The following CNOT10 variants were observed in gnomAD, a reference collection of about 807,000 sequenced individuals.
CNOT10 encodes CCR4-NOT transcription complex, subunit 10.
In CNOT10, 30 loss-of-function variants were observed where a neutral mutation model predicts 94.6. The ratio of observed to expected loss-of-function variants is 0.32; its 90% CI spans 0.24 to 0.43. CNOT10 has a LOEUF of 0.43. Among genes scored for constraint, CNOT10 ranks in the 20% least tolerant of loss-of-function variants. The probability of loss-of-function intolerance (pLI) is 1.00; values close to 1 mark genes in which losing one functional copy is unlikely to be tolerated. For synonymous variants in CNOT10, 289 were observed against 301.6 expected (o/e 0.96, Z 0.43); for missense variants, 759 against 877.2 (o/e 0.87, Z 1.70).
At chr3:32,742,984 CTTTTT>C (rs11425595) in intron 13 of CNOT10, among the ~76,000 whole-genome samples, 1 of 122,722 alleles carries the variant, frequency 8.1e-6, no homozygotes, top group Admixed American at 8.5e-5. Context: ...GAATACTAAT[CTTTTT>C]TTTTTTTTTT....
In CNOT10 at chr3:32,764,464, A is replaced by G; in HGVS notation, c.1850A>G (p.Lys617Arg). Reference sequence around the variant, plus strand: ...TTTCGTGTTTTTGTAGGATCAGACAAAGGTGAAAATGAAGCAATGGAATCC... The same window carrying G: ...TTTCGTGTTTTTGTAGGATCAGACAGAGGTGAAAATGAAGCAATGGAATCC... ...SSNEQDQGSDKGENEAMESSG... is the reference protein window; with the variant it reads ...SSNEQDQGSDRGENEAMESSG... Residue 617 changes from lysine (K) to arginine (R), a missense_variant, in exon 16 of 19, where the codon AAA becomes AGA. Transcript: ENST00000328834. The G allele has an allele frequency of 6.2e-7, 1 of 1,614,090 alleles. No homozygotes were observed. Among genetic ancestry groups the G allele is most frequent in the Non-Finnish European group, 8.5e-7 (1 of 1,180,002 alleles).
intron 13 of CNOT10, among the ~76,000 whole-genome samples, chr3:32,751,794 T>C (rs1699977114): frequency 6.6e-6 from 1 of 152,234 alleles, no homozygotes; most frequent in African/African-American, 2.4e-5. Flanking sequence ...TTGCTAGAGA[T>C]CCAGCCCCAT....
Position 32,757,227 on chromosome 3 carries a change from T to C in CNOT10, c.1596-2231T>C. Among the ~76,000 whole-genome samples, 3 of 112,072 alleles carry C rather than the reference T, an allele frequency of 2.7e-5. No homozygotes were observed. The East Asian group carries it at 9.6e-4, about 36-fold the overall frequency. 73.5% of individuals were successfully genotyped at this position (112,072 alleles called of 152,430 possible). On this transcript the variant is annotated intron_variant, in intron 13 of 18. Coordinates refer to ENST00000328834, the MANE Select transcript of CNOT10 (RefSeq NM_015442.3). Reference sequence around the variant, plus strand: ...GGAGTTTCACTCTTGTTGCCCAGGCTGGAGCGCAATGGCGTGATCTCAGCT... The same window carrying C: ...GGAGTTTCACTCTTGTTGCCCAGGCCGGAGCGCAATGGCGTGATCTCAGCT...
intron 13 of CNOT10, 71 bp from the exon 14 acceptor site, chr3:32,759,387 C>A: frequency 9.4e-7 from 1 of 1,068,950 alleles, no homozygotes; most frequent in Non-Finnish European, 1.4e-6. Flanking sequence ...GGCATTTCTT[C>A]CTATTTAGCA....
intron 3 of CNOT10, among the ~76,000 whole-genome samples, chr3:32,706,636 T>C (rs903912647): frequency 1.3e-5 from 2 of 152,246 alleles, no homozygotes; most frequent in Non-Finnish European, 2.9e-5. Flanking sequence ...TCATAGAATA[T>C]GTGGCAAAGT....
chr3:32,718,581 C>CT (rs1247420666), intron 7 of CNOT10, among the ~76,000 whole-genome samples: 2 of 60,086 alleles, frequency 3.3e-5, no homozygotes, highest in Non-Finnish European at 6.2e-5. Flanking sequence ...AAGACTCATT[C>CT]TCAAAAAAAA....
chr3:32,693,879 ATT>A (rs1231104264), intron 1 of CNOT10, among the ~76,000 whole-genome samples: 1 of 152,134 alleles, frequency 6.6e-6, no homozygotes, highest in Non-Finnish European at 1.5e-5. Flanking sequence ...AAAATGTATA[ATT>A]GACTGAATAT....
chr3:32,757,704 C>G (rs1284038933), intron 13 of CNOT10, among the ~76,000 whole-genome samples: 1 of 152,172 alleles, frequency 6.6e-6, no homozygotes, highest in Non-Finnish European at 1.5e-5. Context: ...TGAGAGATAA[C>G]TAGCCTCCTG....
intron 17 of CNOT10, among the ~76,000 whole-genome samples, chr3:32,766,381 C>T (rs1477397200): frequency 1.3e-4 from 6 of 46,114 alleles, no homozygotes; most frequent in Admixed American, 2.9e-4. Flanking sequence ...GCCTGTAATC[C>T]CAGCACTTTG....
chr3:32,707,734 T>A (rs1697689521), intron 3 of CNOT10, among the ~76,000 whole-genome samples: 1 of 151,612 alleles, frequency 6.6e-6, no homozygotes, highest in Non-Finnish European at 1.5e-5. Context: ...ACCCTGGAGG[T>A]GGAGGTTACA....
At chr3:32,761,304 T>C (rs1176609676) in intron 14 of CNOT10, among the ~76,000 whole-genome samples, 1 of 152,186 alleles carries the variant, frequency 6.6e-6, no homozygotes, top group Non-Finnish European at 1.5e-5. Flanking sequence ...TCCGTCCTTA[T>C]CATTGCCCAA....
intron 15 of CNOT10, among the ~76,000 whole-genome samples, chr3:32,763,376 T>C (rs1700532067): frequency 6.6e-6 from 1 of 151,810 alleles, no homozygotes; most frequent in Non-Finnish European, 1.5e-5. Context: ...AATTGTCGGG[T>C]GCGGTGGCTC....
chr3:32,737,209 G>A (rs1699227411), intron 12 of CNOT10, among the ~76,000 whole-genome samples: 1 of 152,136 alleles, frequency 6.6e-6, no homozygotes, highest in Admixed American at 6.5e-5. Flanking sequence ...CAGCTACTTG[G>A]GAGGCTGAGG....
chr3:32,747,786 A>G (rs186570135), intron 13 of CNOT10, among the ~76,000 whole-genome samples: 5 of 152,298 alleles, frequency 3.3e-5, no homozygotes, highest in Non-Finnish European at 7.3e-5. Flanking sequence ...CGTCTCTACT[A>G]AAAATACAAA....
intron 1 of CNOT10, chr3:32,695,871 TA>T (rs1027351521): frequency 1.1e-5 from 16 of 1,446,470 alleles, no homozygotes; most frequent in East Asian, 7.4e-5. Flanking sequence ...TTTAAAACAT[TA>T]AAAAAACTGA....
intron 12 of CNOT10, among the ~76,000 whole-genome samples, chr3:32,736,407 A>G (rs1699191313): frequency 6.6e-6 from 1 of 152,050 alleles, no homozygotes; most frequent in Non-Finnish European, 1.5e-5. Flanking sequence ...CTTTTTATAC[A>G]TGGCATCGTT....
At chr3:32,687,455 T>TTTTTTTTTTTTG (rs1696666549) in intron 1 of CNOT10, among the ~76,000 whole-genome samples, 3 of 89,460 alleles carry the variant, frequency 3.4e-5, no homozygotes, top group African/African-American at 1.2e-4. Flanking sequence ...TTTTTTTGTT[T>TTTTTTTTTTTTG]TTTTTTTTTT....
chr3:32,752,683 A>G (rs2125615331), intron 13 of CNOT10, among the ~76,000 whole-genome samples: 1 of 152,328 alleles, frequency 6.6e-6, no homozygotes, highest in East Asian at 1.9e-4. Flanking sequence ...CAACTTTAAC[A>G]GTTGAAAGTT....
chr3:32,720,957 C>G (rs1456643039), intron 8 of CNOT10, among the ~76,000 whole-genome samples: 2 of 145,664 alleles, frequency 1.4e-5, no homozygotes, highest in South Asian at 2.2e-4. Context: ...CCTTCCCTTC[C>G]CTCCCTTCCC....
Sources: gnomAD v4.1 joint callset for allele counts (sites outside exome capture counted in the v4.1 genomes callset) on GRCh38, gnomAD v4.1.1 for gene constraint, MANE v1.5 for transcripts, NCBI Gene and HGNC (gene_info 2026-07-23, HGNC 2026-07-21) for gene names.